Variants in LRMDA observed in about 807,000 individuals in gnomAD.
The protein encoded by LRMDA is leucine-rich melanocyte differentiation-associated protein.
A neutral mutation model predicts 29.8 loss-of-function variants in LRMDA; 18 were observed. That is an observed-to-expected ratio of 0.60 (90% CI 0.42 to 0.90). LRMDA has a LOEUF of 0.90. LRMDA is among the 40% of genes least tolerant of loss of function. The probability of loss-of-function intolerance (pLI) is 0.00; values close to 1 mark genes in which losing one functional copy is unlikely to be tolerated. For missense variants in LRMDA, 273 were observed against 273.9 expected, an observed-to-expected ratio of 1.00 and a Z score of 0.02; for synonymous variants, 125 against 109.4, an observed-to-expected ratio of 1.14 and a Z score of -0.89.
chr10:75,919,143 T>TG (rs1272863448), intron 2 of LRMDA, among the ~76,000 whole-genome samples: 20 of 152,272 alleles, frequency 1.3e-4, no homozygotes, highest in Admixed American at 3.9e-4. Context: ...TTGACTGAAG[T>TG]CATAGAACTG....
At chr10:75,605,819 TGA>T (rs1216959713) in intron 2 of LRMDA, among the ~76,000 whole-genome samples, 1 of 152,206 alleles carries the variant, frequency 6.6e-6, no homozygotes, top group Non-Finnish European at 1.5e-5. Context: ...GGCTGGGAAC[TGA>T]GTACTCTCTT....
At chr10:75,618,020 A>G (rs1299744643) in intron 2 of LRMDA, among the ~76,000 whole-genome samples, 1 of 152,152 alleles carries the variant, frequency 6.6e-6, no homozygotes, top group Admixed American at 6.5e-5. Context: ...GAATGTAGAG[A>G]AGCTTTGTGA....
At chr10:75,818,762 C>T (rs769927829) in intron 2 of LRMDA, among the ~76,000 whole-genome samples, 5 of 152,208 alleles carry the variant, frequency 3.3e-5, no homozygotes, top group Non-Finnish European at 7.3e-5. Context: ...GTTCCACCTC[C>T]CCACCCCTGG....
intron 2 of LRMDA, among the ~76,000 whole-genome samples, chr10:75,560,247 A>G (rs1840273490): frequency 6.6e-6 from 1 of 152,060 alleles, no homozygotes; most frequent in African/African-American, 2.4e-5. Context: ...GAGGTCTTTC[A>G]CGTCCCTTGT....
intron 2 of LRMDA, among the ~76,000 whole-genome samples, chr10:75,683,743 T>TG (rs1470049851): frequency 6.6e-6 from 1 of 152,238 alleles, no homozygotes; most frequent in Non-Finnish European, 1.5e-5. Flanking sequence ...AGATCTGCTC[T>TG]GGATAGCCTT....
chr10:75,538,207 C>T (rs1235808925), intron 2 of LRMDA, among the ~76,000 whole-genome samples: 1 of 152,182 alleles, frequency 6.6e-6, no homozygotes, highest in African/African-American at 2.4e-5. Flanking sequence ...AGCCAAGACC[C>T]TATCTGCTAT....
At chr10:76,345,060 CTTTTTT>C (rs60233969) in intron 6 of LRMDA, among the ~76,000 whole-genome samples, 2 of 77,588 alleles carry the variant, frequency 2.6e-5, no homozygotes, top group Non-Finnish European at 4.6e-5. Flanking sequence ...AACACAAAAC[CTTTTTT>C]TTTTTTTTTT....
chr10:75,507,920 G>A (rs542074300), intron 2 of LRMDA, among the ~76,000 whole-genome samples: 1 of 152,184 alleles, frequency 6.6e-6, no homozygotes, highest in Non-Finnish European at 1.5e-5. Flanking sequence ...CCTAGTAAAA[G>A]GCAGGTACAC....
chr10:76,476,978 T>C (rs948164818), intron 6 of LRMDA, among the ~76,000 whole-genome samples: 2 of 152,140 alleles, frequency 1.3e-5, no homozygotes, highest in African/African-American at 4.8e-5. Context: ...GCATTCCCTT[T>C]GAAAATGGGC....
chr10:76,407,560 T>A (rs1033700104), intron 6 of LRMDA, among the ~76,000 whole-genome samples: 2 of 152,216 alleles, frequency 1.3e-5, no homozygotes, highest in African/African-American at 4.8e-5. Context: ...CGTTATCTCA[T>A]GCAACTCACA....
At chr10:76,286,552 C>T (rs2132341248) in intron 5 of LRMDA, among the ~76,000 whole-genome samples, 1 of 152,270 alleles carries the variant, frequency 6.6e-6, no homozygotes, top group East Asian at 1.9e-4. Flanking sequence ...AAGGATGAGA[C>T]CAGCTGATGG....
chr10:75,612,328 A>G (rs1484807162), intron 2 of LRMDA, among the ~76,000 whole-genome samples: 1 of 152,178 alleles, frequency 6.6e-6, no homozygotes, highest in African/African-American at 2.4e-5. Context: ...GCTGAATTGA[A>G]AGCAATCTAG....
At chr10:75,678,926 C>T (rs1841992616) in intron 2 of LRMDA, among the ~76,000 whole-genome samples, 1 of 152,094 alleles carries the variant, frequency 6.6e-6, no homozygotes, top group African/African-American at 2.4e-5. Context: ...ATTAAACGGG[C>T]AGGACAATGG....
intron 2 of LRMDA, among the ~76,000 whole-genome samples, chr10:75,621,705 ATTCT>A (rs936014735): frequency 3.3e-5 from 5 of 152,068 alleles, no homozygotes; most frequent in African/African-American, 1.2e-4. Flanking sequence ...CATCCAGACA[ATTCT>A]TGGGTTTGTG....
intron 5 of LRMDA, among the ~76,000 whole-genome samples, chr10:76,068,202 A>G (rs1848816542): frequency 6.6e-6 from 1 of 152,236 alleles, no homozygotes; most frequent in Non-Finnish European, 1.5e-5. Flanking sequence ...AATAGCAGAT[A>G]AGAAGAGCAA....
chr10:75,557,491 C>T (rs1000029121), intron 2 of LRMDA, among the ~76,000 whole-genome samples: 1 of 152,080 alleles, frequency 6.6e-6, no homozygotes, highest in East Asian at 1.9e-4. Context: ...GGCAGCCTGG[C>T]TATGAAAACC....
At chr10:76,006,794 G>C (rs199502338) in intron 2 of LRMDA, among the ~76,000 whole-genome samples, 1 of 152,080 alleles carries the variant, frequency 6.6e-6, no homozygotes, top group Non-Finnish European at 1.5e-5. Flanking sequence ...AATAAACTAG[G>C]CTTCTTTTTA....
chr10:75,521,315 G>A (rs1339894701), intron 2 of LRMDA, among the ~76,000 whole-genome samples: 1 of 152,264 alleles, frequency 6.6e-6, no homozygotes, highest in East Asian at 1.9e-4. Context: ...GCCCACAGAG[G>A]TGGAGTCTAT....
chr10:75,658,311 A>AAC (rs1278483747), intron 2 of LRMDA, among the ~76,000 whole-genome samples: 3 of 151,760 alleles, frequency 2.0e-5, no homozygotes, highest in African/African-American at 7.3e-5. Flanking sequence ...AAAAAAAAAA[A>AAC]AGGGAGGCAG....
Sources: allele counts gnomAD v4.1 joint callset (sites outside exome capture counted in the v4.1 genomes callset), GRCh38; gene constraint gnomAD v4.1.1; transcripts MANE v1.5; gene names NCBI Gene and HGNC (gene_info 2026-07-23, HGNC 2026-07-21).